The following GPM6A variants were observed in gnomAD, a reference collection of about 807,000 sequenced individuals.
GPM6A encodes the protein neuronal membrane glycoprotein M6-a.
A neutral mutation model predicts 32.1 loss-of-function variants in GPM6A; 7 were observed. That is an observed-to-expected ratio of 0.22 (90% CI 0.12 to 0.41). GPM6A has a LOEUF of 0.41. GPM6A is among the 10% of genes least tolerant of loss of function. The pLI is 1.00. For synonymous variants in GPM6A, 130 were observed against 123.4 expected (o/e 1.05, Z -0.35); for missense variants, 235 against 347.2 (o/e 0.68, Z 2.57).
chr4:175,733,641 G>A (rs1376821684), intron 1 of GPM6A, among the ~76,000 whole-genome samples: 2 of 152,002 alleles, frequency 1.3e-5, no homozygotes, highest in Non-Finnish European at 2.9e-5. Context: ...AAAAAAAAAA[G>A]TGTTTTTTTC....
intron 1 of GPM6A, chr4:175,872,578 C>T (rs935489862): frequency 3.3e-5 from 5 of 152,270 alleles, no homozygotes; most frequent in African/African-American, 1.2e-4. Flanking sequence ...TTAGAAGAAA[C>T]ATTATAAATT....
intron 1 of GPM6A, chr4:175,962,162 C>T (rs1012118185): frequency 4.3e-6 from 4 of 921,812 alleles, no homozygotes; most frequent in Admixed American, 1.7e-5. Context: ...AGCATCAACC[C>T]AAGGTGATCG....
At chr4:175,964,103 AAGAG>A (rs904342981) in intron 1 of GPM6A, among the ~76,000 whole-genome samples, 5 of 152,000 alleles carry the variant, frequency 3.3e-5, no homozygotes, top group Non-Finnish European at 7.4e-5. Context: ...AGACAAAAAA[AAGAG>A]AGAGAGAGAA....
At chr4:175,856,727 T>C (rs1353499485) in intron 1 of GPM6A, among the ~76,000 whole-genome samples, 1 of 152,160 alleles carries the variant, frequency 6.6e-6, no homozygotes, top group Non-Finnish European at 1.5e-5. Flanking sequence ...AGTGGGAAGA[T>C]AATCTTCGCC....
intron 1 of GPM6A, among the ~76,000 whole-genome samples, chr4:175,979,228 G>A (rs766963771): frequency 1.3e-5 from 2 of 152,054 alleles, no homozygotes; most frequent in Non-Finnish European, 2.9e-5. Context: ...ATAAACTAAC[G>A]ACTTGTTTTT....
chr4:175,975,680 T>C (rs1203736952), intron 1 of GPM6A, among the ~76,000 whole-genome samples: 1 of 152,196 alleles, frequency 6.6e-6, no homozygotes, highest in Non-Finnish European at 1.5e-5. Flanking sequence ...TAGTTCTTAT[T>C]GCACTGATTT....
intron 1 of GPM6A, among the ~76,000 whole-genome samples, chr4:175,768,579 G>C (rs1366739456): frequency 6.6e-6 from 1 of 151,548 alleles, no homozygotes; most frequent in Non-Finnish European, 1.5e-5. Flanking sequence ...AGGAGAAATA[G>C]TGAAGGTTAA....
At chr4:175,953,372 T>A (rs1739881217) in intron 1 of GPM6A, among the ~76,000 whole-genome samples, 2 of 152,124 alleles carry the variant, frequency 1.3e-5, no homozygotes, top group African/African-American at 4.8e-5. Context: ...GAAATAGCAT[T>A]TGCAGACCTA....
At chr4:175,681,633 G>A (rs189292277) in intron 2 of GPM6A, among the ~76,000 whole-genome samples, 13 of 152,106 alleles carry the variant, frequency 8.5e-5, no homozygotes, top group African/African-American at 3.1e-4. Context: ...TAACTTAAGA[G>A]GGTGTAGCAC....
chr4:175,684,240 C>T (rs757466921), intron 2 of GPM6A, among the ~76,000 whole-genome samples: 1 of 152,196 alleles, frequency 6.6e-6, no homozygotes, highest in Non-Finnish European at 1.5e-5. Flanking sequence ...TTCTAGTTTG[C>T]CATTTGTCTT....
chr4:175,899,878 T>A (rs1380383215), intron 1 of GPM6A, among the ~76,000 whole-genome samples: 1 of 151,136 alleles, frequency 6.6e-6, no homozygotes, highest in East Asian at 1.9e-4. Context: ...TGAGATCACA[T>A]CAAGTTAAAA....
chr4:175,772,118 A>G (rs1318695854), intron 1 of GPM6A, among the ~76,000 whole-genome samples: 1 of 152,172 alleles, frequency 6.6e-6, no homozygotes, highest in Admixed American at 6.5e-5. Flanking sequence ...TATCTTAGGA[A>G]TGTTTCCTAC....
intron 1 of GPM6A, among the ~76,000 whole-genome samples, chr4:175,720,908 T>C (rs1296887919): frequency 1.3e-5 from 2 of 151,668 alleles, no homozygotes; most frequent in African/African-American, 2.4e-5. Context: ...AACTGGTCGC[T>C]GCTGAGGTGT....
At chr4:175,765,517 TC>T (rs1349848397) in intron 1 of GPM6A, among the ~76,000 whole-genome samples, 2 of 152,228 alleles carry the variant, frequency 1.3e-5, no homozygotes, top group Non-Finnish European at 2.9e-5. Flanking sequence ...ATTTCTCTTT[TC>T]TTTGTTTTGA....
chr4:175,737,286 G>A (rs1731699301), intron 1 of GPM6A, among the ~76,000 whole-genome samples: 1 of 152,086 alleles, frequency 6.6e-6, no homozygotes, highest in South Asian at 2.1e-4. Context: ...TCTGCAGGTC[G>A]TACAATCCTG....
chr4:175,712,561 T>G (rs1463654374), intron 1 of GPM6A, among the ~76,000 whole-genome samples: 2 of 152,212 alleles, frequency 1.3e-5, no homozygotes, highest in Non-Finnish European at 2.9e-5. Context: ...TTTAAGACCT[T>G]TTTGTGTCTA....
At chr4:175,877,170 T>C (rs1024777498) in intron 1 of GPM6A, among the ~76,000 whole-genome samples, 8 of 152,192 alleles carry the variant, frequency 5.3e-5, no homozygotes, top group Non-Finnish European at 1.2e-4. Context: ...AGCAGATTCA[T>C]GTGTGGGCAC....
intron 1 of GPM6A, among the ~76,000 whole-genome samples, chr4:175,828,808 C>A (rs749911551): frequency 6.6e-6 from 1 of 151,818 alleles, no homozygotes; most frequent in East Asian, 1.9e-4. Flanking sequence ...ATTTTAATTA[C>A]AATAAACTTT....
chr4:175,842,732 T>A (rs762600284), intron 1 of GPM6A, among the ~76,000 whole-genome samples: 4 of 152,066 alleles, frequency 2.6e-5, no homozygotes, highest in African/African-American at 9.7e-5. Flanking sequence ...AGAATAAACA[T>A]AGTTCTTTAC....
Sources: gnomAD v4.1 joint callset for allele counts (sites outside exome capture counted in the v4.1 genomes callset) on GRCh38, gnomAD v4.1.1 for gene constraint, MANE v1.5 for transcripts, NCBI Gene and HGNC (gene_info 2026-07-23, HGNC 2026-07-21) for gene names.